VPS53: variants seen among roughly 807,000 people sequenced by gnomAD.
The protein encoded by VPS53 is vacuolar protein sorting-associated protein 53 homolog.
Under a neutral mutation model 107.0 loss-of-function variants are expected in VPS53, and 70 were observed. That is an observed-to-expected ratio of 0.65 (90% confidence interval 0.54 to 0.80). The LOEUF (loss-of-function observed/expected upper bound fraction) is 0.80. Ranked by LOEUF, VPS53 falls within the 30% of genes least tolerant of loss-of-function variation. The pLI is 0.00. For missense variants in VPS53, 917 were observed against 1,049.4 expected (o/e 0.87, Z 1.74); for synonymous variants, 409 against 393.3 (o/e 1.04, Z -0.47).
Position 560,450 on chromosome 17 carries a change from C to T in VPS53, c.1680G>A (p.Glu560=). Residue 560 remains glutamate (E), a synonymous_variant, in exon 15 of 22, where the codon GAG becomes GAA. Transcript: ENST00000437048. ...CCTGCTGGGTGGTGGCCAGACAGTA[C>T]TCTGCCGTGCTCAGGATGTTACAGA... is the stretch of plus-strand genomic sequence containing the variant. ...CLICNILSTA[E]YCLATTQQLE... 6.2e-7 allele frequency: 1 copy of T among 1,612,498 alleles called. No individual in the cohort carries two copies. Among genetic ancestry groups the T allele is most frequent in the Non-Finnish European group, 8.5e-7 (1 of 1,179,958 alleles).
chr17:546,651 ATCACAATGAG>A (rs1252702737), intron 17 of VPS53, among the ~76,000 whole-genome samples: 1 of 152,190 alleles, frequency 6.6e-6, no homozygotes, highest in Non-Finnish European at 1.5e-5. Flanking sequence ...GCAAACTGTA[ATCACAATGAG>A]ATACCACTTC....
At chr17:628,354 T>C (rs141315113) in intron 8 of VPS53, 123 bp from the exon 9 acceptor site, 148 of 1,166,534 alleles carry the variant, frequency 1.3e-4, no homozygotes, top group Admixed American at 7.3e-4. Flanking sequence ...TTCACACTCA[T>C]TCTTTCTGCT....
chr17:583,067 C>G (rs1382361608), intron 13 of VPS53, among the ~76,000 whole-genome samples: 1 of 150,550 alleles, frequency 6.6e-6, no homozygotes, highest in Non-Finnish European at 1.5e-5. Flanking sequence ...CTAATGCGTT[C>G]CCACAGAACT....
chr17:657,434 C>T, intron 5 of VPS53: 1 of 939,056 alleles, frequency 1.1e-6, no homozygotes, highest in South Asian at 1.3e-5. Context: ...GACACTCTCT[C>T]AACTTGTGGG....
At chr17:620,258 T>C (rs1969412694) in intron 11 of VPS53, among the ~76,000 whole-genome samples, 1 of 152,224 alleles carries the variant, frequency 6.6e-6, no homozygotes, top group East Asian at 1.9e-4. Flanking sequence ...TGCAGTCCAT[T>C]GCCTGAAAGG....
chr17:611,540 G>T (rs189692093), intron 11 of VPS53, among the ~76,000 whole-genome samples: 7 of 152,302 alleles, frequency 4.6e-5, no homozygotes, highest in Admixed American at 1.3e-4. Context: ...TCCTCAAAAA[G>T]TTAAGCCTAG....
chr17:680,612 T>G (rs1972355353), intron 4 of VPS53, among the ~76,000 whole-genome samples: 1 of 152,234 alleles, frequency 6.6e-6, no homozygotes, highest in East Asian at 1.9e-4. Context: ...AAGTGCTTAG[T>G]GACCAAGATT....
chr17:691,815 A>T (rs1043602396), intron 4 of VPS53, among the ~76,000 whole-genome samples: 1 of 152,176 alleles, frequency 6.6e-6, no homozygotes, highest in Non-Finnish European at 1.5e-5. Context: ...TACTGTCATA[A>T]TTGTGCTATT....
At chr17:535,618 T>C (rs1204351556) in intron 18 of VPS53, among the ~76,000 whole-genome samples, 1 of 152,206 alleles carries the variant, frequency 6.6e-6, no homozygotes, top group African/African-American at 2.4e-5. Context: ...CCTGGAGATT[T>C]TGAGTCACAG....
At chr17:643,598 C>G (rs985389340) in intron 7 of VPS53, among the ~76,000 whole-genome samples, 95 of 135,986 alleles carry the variant, frequency 7.0e-4, no homozygotes, top group Non-Finnish European at 9.4e-4. Context: ...TACTTGGCAA[C>G]CGAGGACAAC....
chr17:633,650 A>C (rs559183798), intron 7 of VPS53, among the ~76,000 whole-genome samples: 35 of 152,148 alleles, frequency 2.3e-4, no homozygotes, highest in Non-Finnish European at 3.5e-4. Flanking sequence ...CCACTCTTAG[A>C]GGTGGGTTTG....
rs750359680 is a variant in VPS53, at chr17:521,791, A to T, written c.2086-53T>A. The T allele has an allele frequency of 1.8e-4, 255 of 1,411,794 alleles. 1 individual carries two copies. Among genetic ancestry groups the T allele is most frequent in the South Asian group, 8.6e-4 (54 of 62,558 alleles). 87.5% of individuals were successfully genotyped at this position (1,411,794 alleles called of 1,614,324 possible). The stretch of plus-strand genomic sequence containing the variant: ...GGCCCCTTCCAGCGACCCAGTGCCG[A>T]GTGGACTCATGCCGATGAGTCATGT... On this transcript the variant is annotated intron_variant, in intron 19 of 21. Transcript: ENST00000437048.
chr17:525,901 G>A (rs1208087586), intron 19 of VPS53, among the ~76,000 whole-genome samples: 3 of 149,722 alleles, frequency 2.0e-5, no homozygotes, highest in African/African-American at 7.4e-5. Flanking sequence ...GGAGGCTGAG[G>A]CAGGAGAATT....
rs533830586 is a variant in VPS53 at position 700,110 on chromosome 17, T to C, written c.169-730A>G. On this transcript the variant is annotated intron_variant, in intron 2 of 21. Coordinates refer to ENST00000437048, the MANE Select transcript of VPS53 (RefSeq NM_001128159.3). ...TGTTATACTTCAATAAATACACAAA[T>C]TTATTTTTTATTATATAGATCCACT... 8.5e-5 allele frequency among the ~76,000 whole-genome samples: 13 copies of C among 152,338 alleles called. No individual in the cohort carries two copies. In the East Asian group the frequency reaches 2.5e-3, roughly 29 times the overall value.
At chr17:557,076 C>T (rs926868242) in intron 15 of VPS53, among the ~76,000 whole-genome samples, 2 of 152,196 alleles carry the variant, frequency 1.3e-5, no homozygotes, top group East Asian at 1.9e-4. Flanking sequence ...TGGTCTTAAA[C>T]TCCTGACCTC....
chr17:690,657 T>C (rs558163558), intron 4 of VPS53, among the ~76,000 whole-genome samples: 2 of 152,296 alleles, frequency 1.3e-5, no homozygotes, highest in South Asian at 4.1e-4. Context: ...GCCAACTCAG[T>C]AGAAGCCAAC....
At chr17:557,556 TTC>T (rs1245004478) in intron 15 of VPS53, among the ~76,000 whole-genome samples, 10 of 152,222 alleles carry the variant, frequency 6.6e-5, no homozygotes, top group African/African-American at 2.4e-4. Context: ...TAACATGATG[TTC>T]TGATTCATCT....
At chr17:699,512 TTA>T in intron 2 of VPS53, 132 bp from the exon 3 acceptor site, 2 of 641,712 alleles carry the variant, frequency 3.1e-6, no homozygotes, top group Non-Finnish European at 4.7e-6. Flanking sequence ...GAGTTTTGCT[TTA>T]AAAAAAAAAA....
rs1166594910 is a variant in VPS53 at position 517,409 on chromosome 17, T to C, written c.*1719A>G. 5 of 399,460 alleles carry C rather than the reference T, an allele frequency of 1.3e-5. No individual in the cohort carries two copies. The Admixed American group carries it at 1.8e-4, about 14-fold the overall frequency. 24.7% of individuals were successfully genotyped at this position (399,460 alleles called of 1,614,324 possible). On this transcript the variant is annotated 3_prime_UTR_variant, in exon 22 of 22. Coordinates refer to ENST00000437048, the MANE Select transcript of VPS53 (RefSeq NM_001128159.3). ...GAGGGCAGGGGCACAGAGCAGTGGT[T>C]ATGTTGGGAAACAAGGTGGGGATGA...
Sources: allele counts gnomAD v4.1 joint callset (sites outside exome capture counted in the v4.1 genomes callset), GRCh38; gene constraint gnomAD v4.1.1; transcripts MANE v1.5; gene names NCBI Gene and HGNC (gene_info 2026-07-23, HGNC 2026-07-21).